Variants in ARHGAP39 observed in about 807,000 individuals in gnomAD.
ARHGAP39 encodes the protein Rho GTPase activating protein 39.
Under a neutral mutation model 106.9 loss-of-function variants are expected in ARHGAP39, and 44 were observed. The ratio of observed to expected loss-of-function variants is 0.41; its 90% CI spans 0.32 to 0.53. The LOEUF (loss-of-function observed/expected upper bound fraction) is 0.53, where lower values mean the gene tolerates loss of function less well. ARHGAP39 is among the 20% of genes least tolerant of loss of function. The probability of loss-of-function intolerance (pLI) is 0.21; values close to 1 mark genes in which losing one functional copy is unlikely to be tolerated. For missense variants in ARHGAP39, 1,496 were observed against 1,577.3 expected (o/e 0.95, Z 0.87); for synonymous variants, 768 against 693.2 (o/e 1.11, Z -1.69).
chr8:144,689,144 C>T (rs746590206), upstream of ARHGAP39, among the ~76,000 whole-genome samples: 1 of 152,138 alleles, frequency 6.6e-6, no homozygotes, highest in Non-Finnish European at 1.5e-5. Flanking sequence ...CCCTGGGCCA[C>T]CCCGGGGTAT....
intron 3 of ARHGAP39, among the ~76,000 whole-genome samples, chr8:144,576,506 G>A (rs1397194593): frequency 2.0e-5 from 3 of 152,166 alleles, no homozygotes; most frequent in Non-Finnish European, 4.4e-5. Flanking sequence ...GACAGGGCAG[G>A]GCTAAGGCCA....
At chr8:144,611,274 A>T (rs1233560729) in intron 1 of ARHGAP39, among the ~76,000 whole-genome samples, 1 of 152,182 alleles carries the variant, frequency 6.6e-6, no homozygotes, top group Non-Finnish European at 1.5e-5. Flanking sequence ...AAGTTTATTG[A>T]TGCTTTTTAT....
intron 10 of ARHGAP39, 149 bp from the exon 11 acceptor site, chr8:144,531,020 G>T (rs62530446): frequency 1.4e-5 from 15 of 1,096,998 alleles, no homozygotes; most frequent in Non-Finnish European, 1.6e-5. Flanking sequence ...TGGCCAGGCT[G>T]GGCCCTGACC....
intron 1 of ARHGAP39, among the ~76,000 whole-genome samples, chr8:144,621,882 A>G (rs928631960): frequency 2.6e-5 from 4 of 152,258 alleles, no homozygotes; most frequent in African/African-American, 9.6e-5. Context: ...CTACAGTTTC[A>G]GGCAAACAAG....
Position 144,574,149 on chromosome 8 carries a change from GAA to G in ARHGAP39, c.512+6695_512+6696del, listed in dbSNP as rs35193383. On this transcript the variant is annotated intron_variant, in intron 3 of 11. Transcript: ENST00000377307. ...CCACTGTACTGCAGCCTGGGTGACAGAAAAAAAAAAAAAAAAAAGGGAAGAAG... is the reference window on the plus strand; with the variant it reads ...CCACTGTACTGCAGCCTGGGTGACAGAAAAAAAAAAAAAAAAGGGAAGAAG... 8.2e-4 allele frequency among the ~76,000 whole-genome samples: 88 copies of G among 107,268 alleles called. 1 individual carries two copies. Among genetic ancestry groups the G allele is most frequent in the South Asian group, 6.0e-3 (20 of 3,316 alleles). The allele number at this position is 107,268 out of a possible 152,430, so 70.4% of individuals were successfully genotyped here. A position where few individuals can be genotyped will look rare whatever the true frequency, so the allele number is the denominator to read the frequency against.
intron 3 of ARHGAP39, among the ~76,000 whole-genome samples, chr8:144,577,880 A>C (rs547207137): frequency 6.6e-6 from 1 of 152,372 alleles, no homozygotes; most frequent in East Asian, 1.9e-4. Flanking sequence ...ACATAAGCAA[A>C]TGAAAAGACA....
chr8:144,672,108 C>T (rs1586650146), intron 1 of ARHGAP39, among the ~76,000 whole-genome samples: 1 of 152,238 alleles, frequency 6.6e-6, no homozygotes, highest in Non-Finnish European at 1.5e-5. Context: ...GGAATTTCCA[C>T]AGCACGCCTG....
In ARHGAP39 at chr8:144,684,674, C is replaced by T. The variant is rs901768148; in HGVS notation, c.-82+1012G>A. Among the ~76,000 whole-genome samples, 48 of 152,334 alleles carry T rather than the reference C, an allele frequency of 3.2e-4. No homozygotes were observed. The highest frequency in any genetic ancestry group is 8.9e-4 in the African/African-American group (37 of 41,592). On this transcript the variant is annotated intron_variant, in intron 1 of 11. Transcript: ENST00000377307. This position sits in a 1 kb window ranked among gnomAD's most constrained non-coding sequence, Gnocchi z 4.4. ...CCTGGGCCCCAAAATGCACAGCCCG[C>T]CTCTCTCGCCGCCCTGGGCACGGAA...
chr8:144,657,319 G>A (rs541434202), intron 1 of ARHGAP39, among the ~76,000 whole-genome samples: 60 of 152,252 alleles, frequency 3.9e-4, no homozygotes, highest in African/African-American at 1.3e-3. Context: ...AATTAGCTGG[G>A]CATGGTGGTA....
chr8:144,614,966 T>C (rs1820596343), intron 1 of ARHGAP39, among the ~76,000 whole-genome samples: 1 of 152,192 alleles, frequency 6.6e-6, no homozygotes, highest in Non-Finnish European at 1.5e-5. Flanking sequence ...CAATGATCAG[T>C]ATGATGTTGA....
At chr8:144,556,555 T>G (rs1817927349) in intron 3 of ARHGAP39, among the ~76,000 whole-genome samples, 1 of 151,268 alleles carries the variant, frequency 6.6e-6, no homozygotes, top group South Asian at 2.1e-4. Context: ...GCCTGAACCT[T>G]CATAGTATTC....
At chr8:144,656,832 A>AAAAAAAT (rs1821710607) in intron 1 of ARHGAP39, among the ~76,000 whole-genome samples, 3 of 150,610 alleles carry the variant, frequency 2.0e-5, no homozygotes, top group South Asian at 2.1e-4. Context: ...AAAAAAAAAA[A>AAAAAAAT]GTGAGTCTAA....
rs1820046314 is a variant in ARHGAP39 at position 144,602,424 on chromosome 8, T to C, written c.80+3111A>G. Among the ~76,000 whole-genome samples, 2 of 139,332 alleles carry C rather than the reference T, an allele frequency of 1.4e-5. 1 individual carries two copies. The highest frequency in any genetic ancestry group is 4.8e-4 in the South Asian group (2 of 4,148). The allele number at this position is 139,332 out of a possible 152,430, so 91.4% of individuals were successfully genotyped here. A position where few individuals can be genotyped will look rare whatever the true frequency, so the allele number is the denominator to read the frequency against. On this transcript the variant is annotated intron_variant, in intron 2 of 11. Transcript: ENST00000377307. Reference sequence around the variant, plus strand: ...GGAGGCGTGTGTGTGCTTGTGTACCTGTGTGTGTGCATGGAGTTGTGCGTG... The same window carrying C: ...GGAGGCGTGTGTGTGCTTGTGTACCCGTGTGTGTGCATGGAGTTGTGCGTG...
intron 1 of ARHGAP39, among the ~76,000 whole-genome samples, chr8:144,607,520 C>T (rs1820337543): frequency 6.6e-6 from 1 of 152,224 alleles, no homozygotes; most frequent in African/African-American, 2.4e-5. Flanking sequence ...GTGGTGGGCA[C>T]CTGTCTTCTT....
Position 144,644,477 on chromosome 8 carries a change from C to A in ARHGAP39, c.-81-38782G>T, listed in dbSNP as rs535705725. 6.6e-6 allele frequency among the ~76,000 whole-genome samples: 1 copy of A among 152,232 alleles called. No homozygotes were observed. The highest frequency in any genetic ancestry group is 2.4e-5 in the African/African-American group (1 of 41,546). ...AACAGGAGGTGATGGCTGCACGACT[C>A]TACAAATTTACTAAAAACCATGGGA... On this transcript the variant is annotated intron_variant, in intron 1 of 11. Transcript: ENST00000377307. This position sits in a 1 kb window ranked among gnomAD's most constrained non-coding sequence, Gnocchi z 4.8.
At chr8:144,560,381 GCTGGGATC>G (rs57635360) in intron 3 of ARHGAP39, among the ~76,000 whole-genome samples, 5,092 of 152,294 alleles carry the variant, frequency 0.033, 272 homozygotes, top group African/African-American at 0.12. Flanking sequence ...GTTGCAGTGA[GCTGGGATC>G]TTGCCATTGC....
At chr8:144,579,263 G>A (rs1345992362) in intron 3 of ARHGAP39, among the ~76,000 whole-genome samples, 1 of 150,380 alleles carries the variant, frequency 6.6e-6, no homozygotes, top group Non-Finnish European at 1.5e-5. Flanking sequence ...AGTCATTAAG[G>A]AAATGCAAAC....
intron 3 of ARHGAP39, among the ~76,000 whole-genome samples, chr8:144,568,759 A>G (rs899189133): frequency 6.6e-6 from 1 of 152,194 alleles, no homozygotes; most frequent in South Asian, 2.1e-4. Context: ...GTAAGTTAAT[A>G]TAAGATAATA....
At chr8:144,687,776 G>A (rs374254684), upstream of ARHGAP39, among the ~76,000 whole-genome samples, 112 of 51,400 alleles carry the variant, frequency 2.2e-3, 1 homozygote, top group African/African-American at 7.1e-3. Context: ...ACCACACACT[G>A]GCGGTGAGCA....
Sources: gnomAD v4.1 joint callset for allele counts (sites outside exome capture counted in the v4.1 genomes callset) on GRCh38, gnomAD v4.1.1 for gene constraint, Gnocchi (gnomAD v3.1) non-coding constraint, MANE v1.5 for transcripts, NCBI Gene and HGNC (gene_info 2026-07-23, HGNC 2026-07-21) for gene names.